Variants in GCNT1 observed in about 807,000 individuals in gnomAD.
GCNT1 encodes the protein glucosaminyl (N-acetyl) transferase 1.
A neutral mutation model predicts 26.2 loss-of-function variants in GCNT1; 16 were observed. The ratio of observed to expected loss-of-function variants is 0.61; its 90% CI spans 0.41 to 0.93. GCNT1 has a LOEUF of 0.93. GCNT1 is among the 40% of genes least tolerant of loss of function. The pLI is 0.00. For synonymous variants in GCNT1, 183 were observed against 190.8 expected (o/e 0.96, Z 0.34); for missense variants, 477 against 526.7 (o/e 0.91, Z 0.92).
intron 2 of GCNT1, among the ~76,000 whole-genome samples, chr9:76,484,636 A>G (rs1485389281): frequency 6.6e-6 from 1 of 152,172 alleles, no homozygotes; most frequent in East Asian, 1.9e-4. Flanking sequence ...TATATAACAC[A>G]GAGGGAGTGA....
rs976941783 is a variant in GCNT1 at position 76,495,305 on chromosome 9, C to A, written c.-289-5611C>A. Among the ~76,000 whole-genome samples, 3 of 152,136 alleles carry A rather than the reference C, an allele frequency of 2.0e-5. No individual in the cohort carries two copies. The South Asian group carries it at 6.2e-4, about 32-fold the overall frequency. ...GTTCCTTCAGATGTGTCTGGAGTCTCTTCTTTCCATTGAGTTCATGGTCTC... is the reference window on the plus strand; with the variant it reads ...GTTCCTTCAGATGTGTCTGGAGTCTATTCTTTCCATTGAGTTCATGGTCTC... On this transcript the variant is annotated intron_variant, in intron 2 of 3. Transcript: ENST00000376730.
rs1333070822 is a variant in GCNT1 at position 76,481,632 on chromosome 9, G to T, written c.-289-19284G>T. Among the ~76,000 whole-genome samples, 11 of 152,090 alleles carry T rather than the reference G, an allele frequency of 7.2e-5. 1 individual carries two copies. In the South Asian group the frequency reaches 1.9e-3, roughly 26 times the overall value. ...ACCTGTAAGGCTTTTTAAAAATGTA[G>T]TTCTTATTTTAATTAGAGTTATAAA... On this transcript the variant is annotated intron_variant, in intron 2 of 3. Coordinates refer to ENST00000376730, the MANE Select transcript of GCNT1 (RefSeq NM_001490.5).
chr9:76,486,522 C>T (rs1824579048), intron 2 of GCNT1, among the ~76,000 whole-genome samples: 1 of 152,202 alleles, frequency 6.6e-6, no homozygotes, highest in Non-Finnish European at 1.5e-5. Context: ...CTGTAAATTG[C>T]ACGGTCTCAG....
chr9:76,413,018 C>T, the GCNT1 span, among the ~76,000 whole-genome samples: 1 of 152,218 alleles, frequency 6.6e-6, no homozygotes, highest in African/African-American at 2.4e-5. Flanking sequence ...TGCTCCTTGC[C>T]TGCTGATTGA....
intron 2 of GCNT1, among the ~76,000 whole-genome samples, chr9:76,485,037 T>G (rs1422153393): frequency 6.6e-6 from 1 of 152,222 alleles, no homozygotes; most frequent in Non-Finnish European, 1.5e-5. Context: ...TCCGCCCACC[T>G]TGGCCTCCCA....
At chr9:76,458,382 C>G (rs527814350), upstream of GCNT1, among the ~76,000 whole-genome samples, 3 of 151,972 alleles carry the variant, frequency 2.0e-5, no homozygotes, top group Non-Finnish European at 4.4e-5. Context: ...CGCGGTTTCA[C>G]CATGTTAGCC....
At chr9:76,461,266 T>C (rs1172472681) in intron 2 of GCNT1, among the ~76,000 whole-genome samples, 1 of 151,884 alleles carries the variant, frequency 6.6e-6, no homozygotes, top group Non-Finnish European at 1.5e-5. Context: ...TAAAGCCTGA[T>C]TTTAAATATT....
At chr9:76,463,334 T>G (rs1222882282) in intron 2 of GCNT1, among the ~76,000 whole-genome samples, 1 of 152,190 alleles carries the variant, frequency 6.6e-6, no homozygotes, top group Non-Finnish European at 1.5e-5. Context: ...CACGGCCCAG[T>G]GTGACTGCGT....
chr9:76,426,071 T>C (rs1359885287), intron 1 of GCNT1, among the ~76,000 whole-genome samples: 2 of 152,220 alleles, frequency 1.3e-5, no homozygotes, highest in African/African-American at 4.8e-5. Flanking sequence ...TTGTGGCTAA[T>C]TTGTTAGTCC....
intron 1 of GCNT1, among the ~76,000 whole-genome samples, chr9:76,451,953 T>TC (rs1564228167): frequency 4.6e-5 from 4 of 86,346 alleles, no homozygotes; most frequent in African/African-American, 1.0e-4. Flanking sequence ...TCTTTCTTTT[T>TC]TTTTTTTTTT....
At chr9:76,402,683 A>ATTTTT in the GCNT1 span, among the ~76,000 whole-genome samples, 15 of 147,406 alleles carry the variant, frequency 1.0e-4, no homozygotes, top group African/African-American at 3.5e-4. Flanking sequence ...TATTTGGCTG[A>ATTTTT]TTTTTTTTTT....
At chr9:76,479,792 C>T (rs903376335) in intron 2 of GCNT1, among the ~76,000 whole-genome samples, 2 of 152,164 alleles carry the variant, frequency 1.3e-5, no homozygotes, top group Non-Finnish European at 2.9e-5. Flanking sequence ...AATTTTCTCC[C>T]ATTCTGTAGG....
intron 2 of GCNT1, among the ~76,000 whole-genome samples, chr9:76,497,554 T>C (rs1230003277): frequency 6.6e-6 from 1 of 152,254 alleles, no homozygotes; most frequent in African/African-American, 2.4e-5. Context: ...CCAAAACTAG[T>C]GATTTTACGT....
chr9:76,483,250 A>G (rs1426358006), intron 2 of GCNT1, among the ~76,000 whole-genome samples: 2 of 152,200 alleles, frequency 1.3e-5, no homozygotes, highest in African/African-American at 4.8e-5. Flanking sequence ...GCATGTGACT[A>G]CTAGCTAACA....
upstream of GCNT1, among the ~76,000 whole-genome samples, chr9:76,458,710 T>C (rs981678881): frequency 3.9e-5 from 6 of 152,184 alleles, no homozygotes; most frequent in Admixed American, 2.0e-4. Context: ...TTAATTTTTA[T>C]GTGGAAATAC....
chr9:76,494,107 C>T (rs1215105464), intron 2 of GCNT1, among the ~76,000 whole-genome samples: 1 of 151,868 alleles, frequency 6.6e-6, no homozygotes, highest in Non-Finnish European at 1.5e-5. Flanking sequence ...GTCCCTGGAC[C>T]CTGCTGATTG....
In GCNT1 at chr9:76,503,462, G is replaced by A. The variant is rs1233403663; in HGVS notation, c.1081G>A (p.Gly361Ser). The A allele has an allele frequency of 6.2e-7, 1 of 1,614,070 alleles. No homozygotes were observed. Among genetic ancestry groups the A allele is most frequent in the South Asian group, 1.1e-5 (1 of 91,076 alleles). The change falls in exon 4 of 4, where the codon GGT becomes AGT. Residue 361 changes from glycine to serine, a missense_variant. Transcript: ENST00000376730. ...ARFVKWQYFE[G>S]DVSKGAPYPP... The stretch of plus-strand genomic sequence containing the variant: ...GTTTGTCAAGTGGCAGTACTTTGAG[G>A]GTGATGTTTCCAAGGGTGCTCCCTA...
intron 1 of GCNT1, among the ~76,000 whole-genome samples, chr9:76,421,886 G>A (rs1823201611): frequency 6.6e-6 from 1 of 151,630 alleles, no homozygotes. Context: ...TAGAGCCAGG[G>A]TTTTACCGTT....
intron 2 of GCNT1, among the ~76,000 whole-genome samples, chr9:76,494,207 C>T (rs571548141): frequency 5.6e-4 from 85 of 152,266 alleles, no homozygotes; most frequent in African/African-American, 2.0e-3. Flanking sequence ...TTTAGTGGCC[C>T]TTGCTGACGC....
Sources: gnomAD v4.1 joint callset for allele counts (sites outside exome capture counted in the v4.1 genomes callset) on GRCh38, gnomAD v4.1.1 for gene constraint, MANE v1.5 for transcripts, NCBI Gene and HGNC (gene_info 2026-07-23, HGNC 2026-07-21) for gene names.